EEA1: variants seen among roughly 807,000 people sequenced by gnomAD.
EEA1 encodes the protein early endosome antigen 1.
EEA1 carries 111 observed loss-of-function variants against 209.2 expected under a neutral mutation model. The observed-to-expected ratio is 0.53, with a 90% CI of 0.45 to 0.62. The LOEUF (loss-of-function observed/expected upper bound fraction) is 0.62. EEA1 is among the 20% of genes least tolerant of loss of function. The probability of loss-of-function intolerance (pLI) is 0.00; values close to 1 mark genes in which losing one functional copy is unlikely to be tolerated. For synonymous variants in EEA1, 536 were observed against 540.6 expected (o/e 0.99, Z 0.12); for missense variants, 1,343 against 1,530.8 (o/e 0.88, Z 2.05).
chr12:92,885,166 G>A (rs889046873), intron 2 of EEA1, among the ~76,000 whole-genome samples: 4 of 151,798 alleles, frequency 2.6e-5, no homozygotes, highest in African/African-American at 7.3e-5. Context: ...AAATTTTTGG[G>A]GAGTCAAAAG....
intron 2 of EEA1, among the ~76,000 whole-genome samples, chr12:92,878,449 T>C (rs1055786396): frequency 6.6e-6 from 1 of 152,164 alleles, no homozygotes; most frequent in African/African-American, 2.4e-5. Flanking sequence ...AATTTTCAGC[T>C]TTCTGAGACA....
At chr12:92,916,642 G>A (rs1880772370) in intron 1 of EEA1, among the ~76,000 whole-genome samples, 1 of 105,046 alleles carries the variant, frequency 9.5e-6, no homozygotes, top group Non-Finnish European at 2.0e-5. Flanking sequence ...CAAAGATGGG[G>A]AAAAAACAGA....
intron 13 of EEA1, among the ~76,000 whole-genome samples, chr12:92,820,886 G>T (rs1419899264): frequency 1.3e-5 from 2 of 151,844 alleles, no homozygotes; most frequent in Non-Finnish European, 2.9e-5. Flanking sequence ...CCCTGCCCTG[G>T]TCGGTAATGT....
intron 21 of EEA1, 79 bp downstream of exon 21, chr12:92,798,813 C>G: frequency 9.4e-7 from 1 of 1,061,640 alleles, no homozygotes; most frequent in East Asian, 2.7e-5. Context: ...TGCAACTTAT[C>G]CATCTGTATT....
intron 13 of EEA1, among the ~76,000 whole-genome samples, chr12:92,820,299 T>C (rs1875983914): frequency 6.6e-6 from 1 of 152,150 alleles, no homozygotes; most frequent in African/African-American, 2.4e-5. Flanking sequence ...CCCTCTTCTT[T>C]TACTTTCACA....
At chr12:92,847,558 CT>C (rs1317790330) in intron 9 of EEA1, among the ~76,000 whole-genome samples, 1 of 152,006 alleles carries the variant, frequency 6.6e-6, no homozygotes, top group Non-Finnish European at 1.5e-5. Context: ...GTATTTTAAG[CT>C]ATTACCCAAT....
At chr12:92,921,582 C>T (rs897859866) in intron 1 of EEA1, among the ~76,000 whole-genome samples, 1 of 115,598 alleles carries the variant, frequency 8.7e-6, no homozygotes. Context: ...GGGAATATCA[C>T]ACTCTGGGGA....
At chr12:92,821,487 A>G (rs1283872109) in intron 13 of EEA1, among the ~76,000 whole-genome samples, 2 of 152,144 alleles carry the variant, frequency 1.3e-5, no homozygotes, top group Non-Finnish European at 2.9e-5. Context: ...AAATAGCCCA[A>G]TTCTCCATTC....
chr12:92,822,268 C>T (rs1876095039), intron 13 of EEA1, among the ~76,000 whole-genome samples: 1 of 152,112 alleles, frequency 6.6e-6, no homozygotes, highest in Admixed American at 6.6e-5. Flanking sequence ...AAAACATTCC[C>T]CATGACACAT....
intron 1 of EEA1, among the ~76,000 whole-genome samples, chr12:92,913,439 G>T (rs1329115902): frequency 6.6e-6 from 1 of 152,034 alleles, no homozygotes; most frequent in African/African-American, 2.4e-5. Context: ...TTAGTCCTTT[G>T]TCAGATGAAT....
intron 5 of EEA1, among the ~76,000 whole-genome samples, chr12:92,855,389 G>A (rs542784991): frequency 2.2e-4 from 33 of 146,960 alleles, no homozygotes; most frequent in Admixed American, 7.7e-4. Context: ...GAGATCGCGC[G>A]CCACTGCACT....
At chr12:92,912,158 C>A (rs1370655156) in intron 1 of EEA1, among the ~76,000 whole-genome samples, 1 of 152,156 alleles carries the variant, frequency 6.6e-6, no homozygotes, top group Non-Finnish European at 1.5e-5. Flanking sequence ...AATAAGAAGT[C>A]TTTCCATCCT....
At chr12:92,806,354 A>G (rs1430811071) in intron 18 of EEA1, among the ~76,000 whole-genome samples, 1 of 152,218 alleles carries the variant, frequency 6.6e-6, no homozygotes, top group African/African-American at 2.4e-5. Context: ...GTGTAATATT[A>G]TGAACAACTG....
At chr12:92,822,119 C>G (rs1876082457) in intron 13 of EEA1, among the ~76,000 whole-genome samples, 1 of 151,754 alleles carries the variant, frequency 6.6e-6, no homozygotes, top group South Asian at 2.1e-4. Flanking sequence ...TCACCCTCCC[C>G]CATTGTATCC....
At chr12:92,928,168 A>G (rs1461061658) in intron 1 of EEA1, among the ~76,000 whole-genome samples, 5 of 152,158 alleles carry the variant, frequency 3.3e-5, no homozygotes, top group Admixed American at 6.5e-5. Flanking sequence ...ATACCAAAAA[A>G]AAAAAACAAA....
At chr12:92,810,337 A>G (rs1169703666) in intron 17 of EEA1, among the ~76,000 whole-genome samples, 1 of 152,146 alleles carries the variant, frequency 6.6e-6, no homozygotes, top group Non-Finnish European at 1.5e-5. Context: ...ACTCAGTTCT[A>G]AATAACCACT....
intron 6 of EEA1, 70 bp from the exon 7 acceptor site, chr12:92,853,095 T>TTA: frequency 1.0e-6 from 1 of 1,004,396 alleles, no homozygotes; most frequent in East Asian, 2.5e-5. Flanking sequence ...TTACTTATAT[T>TTA]TATTACAGTT....
chr12:92,905,870 C>G (rs193088294), intron 1 of EEA1, among the ~76,000 whole-genome samples: 41 of 151,932 alleles, frequency 2.7e-4, no homozygotes, highest in African/African-American at 9.9e-4. Flanking sequence ...TTATCTATTG[C>G]AGACTAGTTG....
chr12:92,785,158 G>A (rs1874075729), intron 22 of EEA1, among the ~76,000 whole-genome samples: 2 of 151,950 alleles, frequency 1.3e-5, no homozygotes, highest in Non-Finnish European at 2.9e-5. Flanking sequence ...ACTTCACTCA[G>A]GGTGTAAATT....
Sources: gnomAD v4.1 joint callset for allele counts (sites outside exome capture counted in the v4.1 genomes callset) on GRCh38, gnomAD v4.1.1 for gene constraint, MANE v1.5 for transcripts, NCBI Gene and HGNC (gene_info 2026-07-23, HGNC 2026-07-21) for gene names.